Variants in ZMYND8 observed in about 807,000 individuals in gnomAD.
ZMYND8 encodes the protein zinc finger MYND-type containing 8.
ZMYND8 carries 37 observed loss-of-function variants against 140.8 expected under a neutral mutation model. That is an observed-to-expected ratio of 0.26 (90% CI 0.20 to 0.35). The LOEUF (loss-of-function observed/expected upper bound fraction) is 0.35, where lower values mean the gene tolerates loss of function less well. Among genes scored for constraint, ZMYND8 ranks in the 10% least tolerant of loss-of-function variants. The probability of loss-of-function intolerance (pLI) is 1.00; values close to 1 mark genes in which losing one functional copy is unlikely to be tolerated. For synonymous variants in ZMYND8, 592 were observed against 597.1 expected, an observed-to-expected ratio of 0.99 and a Z score of 0.12; for missense variants, 1,068 against 1,570.0, an observed-to-expected ratio of 0.68 and a Z score of 5.40.
In ZMYND8 at chr20:47,329,594, G is replaced by A. The variant is rs985289082; in HGVS notation, c.85+18262C>T. On this transcript the variant is annotated intron_variant, in intron 2 of 22. Transcript: ENST00000471951. Reference sequence around the variant, plus strand: ...TAATTCTGTATTTTTAGTAGAGGCGGGGTTTCTCCATGTTGGTCAGGCTGG... The same window carrying A: ...TAATTCTGTATTTTTAGTAGAGGCGAGGTTTCTCCATGTTGGTCAGGCTGG... Among the ~76,000 whole-genome samples the A allele has an allele frequency of 4.6e-5, 7 of 152,090 alleles. No individual in the cohort carries two copies. The South Asian group carries it at 1.2e-3, about 27-fold the overall frequency.
chr20:47,269,614 C>A (rs2075785906), intron 11 of ZMYND8, among the ~76,000 whole-genome samples: 1 of 152,200 alleles, frequency 6.6e-6, no homozygotes, highest in Non-Finnish European at 1.5e-5. Flanking sequence ...TTATTATCTA[C>A]ATTTACAAAA....
At chr20:47,238,643 T>A in intron 15 of ZMYND8, 115 bp downstream of exon 15, 1 of 1,506,606 alleles carries the variant, frequency 6.6e-7, no homozygotes. Context: ...CAAGATACAA[T>A]GGCCCGGAAA....
chr20:47,332,522 C>G (rs999710175), intron 2 of ZMYND8, among the ~76,000 whole-genome samples: 3 of 152,030 alleles, frequency 2.0e-5, no homozygotes, highest in Non-Finnish European at 4.4e-5. Context: ...CCAGCCTGGG[C>G]AACATAGCAA....
chr20:47,323,909 T>C (rs906867343), intron 2 of ZMYND8, among the ~76,000 whole-genome samples: 1 of 152,098 alleles, frequency 6.6e-6, no homozygotes, highest in Non-Finnish European at 1.5e-5. Context: ...TTATTAAGAA[T>C]GCCAAACCTG....
chr20:47,210,974 C>T, intron 22 of ZMYND8, 77 bp from the exon 23 acceptor site: 8 of 1,553,892 alleles, frequency 5.1e-6, no homozygotes, highest in East Asian at 2.3e-5. Flanking sequence ...TCTGACCTGC[C>T]CCTCCTGCAC....
At chr20:47,222,234 T>C (rs1341326150) in intron 19 of ZMYND8, among the ~76,000 whole-genome samples, 6 of 152,268 alleles carry the variant, frequency 3.9e-5, no homozygotes, top group East Asian at 1.9e-4. Context: ...CTTGGACACA[T>C]AGAAAAACAG....
intron 2 of ZMYND8, among the ~76,000 whole-genome samples, chr20:47,331,601 A>G (rs1189699191): frequency 1.3e-5 from 2 of 152,186 alleles, no homozygotes; most frequent in Non-Finnish European, 2.9e-5. Flanking sequence ...GCTAGGCGAG[A>G]CAAGGACAGG....
At chr20:47,215,736 T>C (rs185078789) in intron 21 of ZMYND8, among the ~76,000 whole-genome samples, 67 of 152,308 alleles carry the variant, frequency 4.4e-4, no homozygotes, top group African/African-American at 1.5e-3. Context: ...GGTCTTAAGC[T>C]ATGCCATTCA....
At chr20:47,322,603 T>G (rs892620414) in intron 2 of ZMYND8, among the ~76,000 whole-genome samples, 2 of 151,294 alleles carry the variant, frequency 1.3e-5, no homozygotes, top group South Asian at 4.2e-4. Context: ...ACCACACCCA[T>G]TTTCACTATG....
At chr20:47,315,065 G>A (rs1292239889) in intron 2 of ZMYND8, among the ~76,000 whole-genome samples, 1 of 152,010 alleles carries the variant, frequency 6.6e-6, no homozygotes, top group Non-Finnish European at 1.5e-5. Context: ...GCCCCCAGAG[G>A]ATGTTAAAAG....
At chr20:47,220,187 C>G (rs1600913178) in intron 21 of ZMYND8, 71 bp downstream of exon 21, 5 of 1,376,704 alleles carry the variant, frequency 3.6e-6, no homozygotes, top group Admixed American at 2.0e-5. Flanking sequence ...CAAATTCTCC[C>G]TGACAAAATG....
chr20:47,218,871 A>G (rs2036509924), intron 21 of ZMYND8, among the ~76,000 whole-genome samples: 1 of 152,080 alleles, frequency 6.6e-6, no homozygotes. Flanking sequence ...AACAATGGAC[A>G]TCACTTCTTC....
At chr20:47,244,732 ACT>A (rs758652629) in intron 14 of ZMYND8, among the ~76,000 whole-genome samples, 14 of 152,142 alleles carry the variant, frequency 9.2e-5, no homozygotes, top group Non-Finnish European at 2.1e-4. Flanking sequence ...AGGTTGTGAA[ACT>A]CTGAGCTAAG....
At chr20:47,277,426 C>A (rs956853981) in intron 10 of ZMYND8, among the ~76,000 whole-genome samples, 1 of 152,356 alleles carries the variant, frequency 6.6e-6, no homozygotes, top group East Asian at 1.9e-4. Flanking sequence ...ACAATGCCAG[C>A]AGCAGCTTTT....
chr20:47,270,373 CAAAAAAAAA>C, intron 11 of ZMYND8, among the ~76,000 whole-genome samples: 1 of 46,478 alleles, frequency 2.2e-5, no homozygotes, highest in African/African-American at 8.6e-5. Flanking sequence ...AACTCCATCT[CAAAAAAAAA>C]AAAAAAAAAA....
intron 2 of ZMYND8, chr20:47,319,645 G>A (rs1417274081): frequency 6.5e-6 from 1 of 153,790 alleles, no homozygotes; most frequent in African/African-American, 2.4e-5. Flanking sequence ...TCAATCTACA[G>A]AAAAGAGGCT....
At chr20:47,221,601 A>G in intron 19 of ZMYND8, 127 bp from the exon 20 acceptor site, 1 of 1,208,872 alleles carries the variant, frequency 8.3e-7, no homozygotes, top group South Asian at 1.8e-5. Flanking sequence ...ATAAAAGTGG[A>G]GGCTCAAGGG....
chr20:47,279,362 C>G (rs948705660), intron 10 of ZMYND8, among the ~76,000 whole-genome samples: 1 of 151,984 alleles, frequency 6.6e-6, no homozygotes, highest in Non-Finnish European at 1.5e-5. Context: ...ACCAGCTACT[C>G]AGGAGGCAGA....
rs141687592 is a variant in ZMYND8, at chr20:47,316,462, A to T, written c.86-6258T>A. Among the ~76,000 whole-genome samples, 756 of 152,222 alleles carry T rather than the reference A, an allele frequency of 5.0e-3. 4 individuals carry two copies. The highest frequency in any genetic ancestry group is 0.017 in the African/African-American group (727 of 41,544). ...AAGGGGCATCTTAATTCAAGATAAC[A>T]CAGGCTCATAGCTTTCCTGAGCCAA... On this transcript the variant is annotated intron_variant, in intron 2 of 22. Transcript: ENST00000471951.
Sources: gnomAD v4.1 joint callset for allele counts (sites outside exome capture counted in the v4.1 genomes callset) on GRCh38, gnomAD v4.1.1 for gene constraint, MANE v1.5 for transcripts, NCBI Gene and HGNC (gene_info 2026-07-23, HGNC 2026-07-21) for gene names.